DSTYK: variants seen among roughly 807,000 people sequenced by gnomAD.
DSTYK encodes the protein RIP-homologous kinase.
Under a neutral mutation model 98.7 loss-of-function variants are expected in DSTYK, and 34 were observed. The observed-to-expected ratio is 0.34, with a 90% CI of 0.26 to 0.46. DSTYK has a LOEUF of 0.46. DSTYK is among the 20% of genes least tolerant of loss of function. The pLI, the probability that DSTYK is intolerant of heterozygous loss-of-function variation, is 1.00. For missense variants in DSTYK, 962 were observed against 1,181.7 expected (o/e 0.81, Z 2.73); for synonymous variants, 462 against 457.3 (o/e 1.01, Z -0.13).
rs529521591 is a variant in DSTYK at position 205,143,501 on chromosome 1, T to C, written c.*4057A>G. ...TTGTTAATCCCACTCTGACACAATA[T>C]GGATGGACTAGGGAGGCTTCCTGAT... is the stretch of plus-strand genomic sequence containing the variant. On this transcript the variant is annotated 3_prime_UTR_variant, in exon 13 of 13. Coordinates refer to ENST00000367162, the MANE Select transcript of DSTYK (RefSeq NM_015375.3). 1.3e-5 allele frequency: 2 copies of C among 152,464 alleles called. No individual in the cohort carries two copies. Among genetic ancestry groups the C allele is most frequent in the Non-Finnish European group, 2.9e-5 (2 of 68,028 alleles). 9.4% of individuals were successfully genotyped at this position (152,464 alleles called of 1,614,324 possible).
At position 205,164,678 on chromosome 1, in the gene DSTYK, G is replaced by A. The variant is rs536282042; in HGVS notation, c.1325-723C>T. ...GGGTTTCCCCATGTTGGCCAGGATG[G>A]TCTCGATCTCCTGACCTCGTGATCT... is the stretch of plus-strand genomic sequence containing the variant. On this transcript the variant is annotated intron_variant, in intron 3 of 12. Transcript: ENST00000367162. 2.0e-5 allele frequency among the ~76,000 whole-genome samples: 3 copies of A among 152,208 alleles called. No homozygotes were observed. The South Asian group carries it at 6.2e-4, about 32-fold the overall frequency.
chr1:205,162,852 T>TACTGGGGTC, intron 5 of DSTYK, 71 bp downstream of exon 5: 1 of 1,160,920 alleles, frequency 8.6e-7, no homozygotes, highest in Non-Finnish European at 1.3e-6. Context: ...ATCTGTTTCC[T>TACTGGGGTC]ACTGGGGTCA....
chr1:205,207,755 CAAAAAAAAAAAAAAAAAAA>C (rs766036213), intron 1 of DSTYK, among the ~76,000 whole-genome samples: 45 of 52,726 alleles, frequency 8.5e-4, no homozygotes, highest in African/African-American at 1.8e-3. Context: ...GACTCTGTCT[CAAAAAAAAAAAAAAAAAAA>C]AAAAAAAAAA....
chr1:205,166,575 C>A (rs1429581494), intron 3 of DSTYK, among the ~76,000 whole-genome samples: 2 of 152,068 alleles, frequency 1.3e-5, no homozygotes, highest in Non-Finnish European at 2.9e-5. Flanking sequence ...AAGGTAAGAA[C>A]AATCGGATAC....
chr1:205,165,615 T>C (rs1657863980), intron 3 of DSTYK, among the ~76,000 whole-genome samples: 1 of 152,170 alleles, frequency 6.6e-6, no homozygotes, highest in Admixed American at 6.5e-5. Flanking sequence ...CAGAGGAAAT[T>C]TGGCAATATC....
chr1:205,148,125 C>A, intron 12 of DSTYK, 80 bp downstream of exon 12: 1 of 1,576,646 alleles, frequency 6.3e-7, no homozygotes, highest in South Asian at 1.1e-5. Flanking sequence ...GATGGGATGA[C>A]AGGAGACCCG....
chr1:205,166,076 A>C (rs1407636866), intron 3 of DSTYK, among the ~76,000 whole-genome samples: 1 of 152,110 alleles, frequency 6.6e-6, no homozygotes, highest in East Asian at 1.9e-4. Flanking sequence ...TTAAATGTCC[A>C]CCAATGAGAG....
At chr1:205,202,538 T>C (rs1355868933) in intron 1 of DSTYK, 19 of 905,930 alleles carry the variant, frequency 2.1e-5, no homozygotes, top group Non-Finnish European at 3.4e-5. Context: ...GTTGGGCATA[T>C]CAAAGTGAAC....
chr1:205,205,777 C>T (rs1218212476), intron 1 of DSTYK, among the ~76,000 whole-genome samples: 1 of 152,088 alleles, frequency 6.6e-6, no homozygotes. Flanking sequence ...TACACTAGTG[C>T]TTTTCCCCTT....
intron 1 of DSTYK, among the ~76,000 whole-genome samples, chr1:205,192,724 T>C (rs1658747429): frequency 6.6e-6 from 1 of 152,028 alleles, no homozygotes; most frequent in Non-Finnish European, 1.5e-5. Context: ...TAGCCAAGCA[T>C]GGTGGCCGAC....
chr1:205,189,724 T>C (rs1348206608), intron 1 of DSTYK, among the ~76,000 whole-genome samples: 4 of 152,184 alleles, frequency 2.6e-5, no homozygotes, highest in South Asian at 4.1e-4. Context: ...GATCCCTCTA[T>C]GCATTTCATT....
rs747201324 is a variant in DSTYK, at chr1:205,147,749, G to C, written c.2603-4C>G. 20 of 1,611,570 alleles carry C rather than the reference G, an allele frequency of 1.2e-5. No individual in the cohort carries two copies. The highest frequency in any genetic ancestry group is 1.7e-5 in the Non-Finnish European group (20 of 1,177,902). On this transcript the variant is annotated splice_polypyrimidine_tract_variant and splice_region_variant and intron_variant, in intron 12 of 12. Transcript: ENST00000367162. ...GGAAGACGTTCTGGGCGAGCCCCTAGAGAAAGGAGCATGGAAACAAGATCA... is the reference window on the plus strand; with the variant it reads ...GGAAGACGTTCTGGGCGAGCCCCTACAGAAAGGAGCATGGAAACAAGATCA...
rs761750984 is a variant in DSTYK at position 205,161,412 on chromosome 1, A to G, written c.1819-25T>C. The G allele has an allele frequency of 2.4e-5, 38 of 1,613,450 alleles. No individual in the cohort carries two copies. In the Middle Eastern group the frequency reaches 4.9e-4, roughly 21 times the overall value. ...GCTGGGAGAGAAACAGAAAAAGTACATATGACTTAAGTCCCTAGCTTCAGC... is the reference window on the plus strand; with the variant it reads ...GCTGGGAGAGAAACAGAAAAAGTACGTATGACTTAAGTCCCTAGCTTCAGC... On this transcript the variant is annotated intron_variant, in intron 6 of 12. Transcript: ENST00000367162.
intron 1 of DSTYK, among the ~76,000 whole-genome samples, chr1:205,209,152 A>G (rs1303077833): frequency 6.6e-6 from 1 of 152,224 alleles, no homozygotes; most frequent in African/African-American, 2.4e-5. Context: ...AATAAAAACA[A>G]CAGCCAACCA....
chr1:205,186,049 A>T (rs6670870), intron 2 of DSTYK, among the ~76,000 whole-genome samples: 47,533 of 151,820 alleles, frequency 0.31, 7,988 homozygotes, highest in South Asian at 0.42. Flanking sequence ...AAAGAAAAAA[A>T]ATATATATAT....
At chr1:205,165,179 C>T (rs1262024272) in intron 3 of DSTYK, among the ~76,000 whole-genome samples, 4 of 152,122 alleles carry the variant, frequency 2.6e-5, no homozygotes, top group African/African-American at 7.2e-5. Context: ...CTGCAACCTC[C>T]GCCTTCTGGG....
intron 1 of DSTYK, among the ~76,000 whole-genome samples, chr1:205,201,430 C>T (rs1161745206): frequency 3.9e-5 from 5 of 127,206 alleles, no homozygotes; most frequent in Non-Finnish European, 8.5e-5. Flanking sequence ...AAAAAGAATG[C>T]AACTGCAGCC....
chr1:205,168,390 CT>C (rs1387994171), intron 3 of DSTYK, among the ~76,000 whole-genome samples: 1 of 152,156 alleles, frequency 6.6e-6, no homozygotes, highest in Non-Finnish European at 1.5e-5. Flanking sequence ...TAAGCAGAAT[CT>C]ACCTAGGGAG....
intron 1 of DSTYK, among the ~76,000 whole-genome samples, chr1:205,209,610 G>A (rs1424453904): frequency 1.8e-5 from 2 of 112,818 alleles, no homozygotes; most frequent in African/African-American, 2.7e-5. Context: ...ATTTTACCTT[G>A]TAACATAAAA....
Sources: gnomAD v4.1 joint callset for allele counts (sites outside exome capture counted in the v4.1 genomes callset) on GRCh38, gnomAD v4.1.1 for gene constraint, MANE v1.5 for transcripts, NCBI Gene and HGNC (gene_info 2026-07-23, HGNC 2026-07-21) for gene names.